DAGLB: variants seen among roughly 807,000 people sequenced by gnomAD.
The protein encoded by DAGLB is diacylglycerol lipase-beta.
In DAGLB, 66 loss-of-function variants were observed where a neutral mutation model predicts 72.1. The ratio of observed to expected loss-of-function variants is 0.92; its 90% CI spans 0.75 to 1.12. The LOEUF is 1.12. Among genes scored for constraint, DAGLB ranks in the 50% most tolerant of loss-of-function variants. The pLI is 0.00. For missense variants in DAGLB, 1,065 were observed against 884.9 expected (o/e 1.20, Z -2.58); for synonymous variants, 414 against 359.5 (o/e 1.15, Z -1.71).
intron 2 of DAGLB, among the ~76,000 whole-genome samples, chr7:6,441,266 AC>A (rs35974450): frequency 0.39 from 57,959 of 148,680 alleles, 14,306 homozygotes; most frequent in Middle Eastern, 0.62. Context: ...AATTTTTTGT[AC>A]TTTTTAGTAG....
intron 2 of DAGLB, among the ~76,000 whole-genome samples, chr7:6,441,752 T>C (rs1481375604): frequency 1.3e-5 from 2 of 152,176 alleles, no homozygotes; most frequent in Admixed American, 6.5e-5. Context: ...TATAATGTTA[T>C]GTGCAACAAA....
chr7:6,421,934 G>A, intron 8 of DAGLB, 130 bp from the exon 9 acceptor site: 7 of 1,010,034 alleles, frequency 6.9e-6, no homozygotes, highest in African/African-American at 1.6e-5. Flanking sequence ...GTTCGGTCCT[G>A]GGACTGAACC....
intron 13 of DAGLB, 51 bp from the exon 14 acceptor site, chr7:6,410,431 C>T (rs780209881): frequency 1.8e-5 from 28 of 1,544,640 alleles, no homozygotes; most frequent in South Asian, 8.7e-5. Flanking sequence ...CTCTGTCACC[C>T]GAGACCTCCC....
chr7:6,430,393 T>C lies in DAGLB; in HGVS notation c.929+87A>G. On this transcript the variant is annotated intron_variant, in intron 6 of 14. Coordinates refer to ENST00000297056, the MANE Select transcript of DAGLB (RefSeq NM_139179.4). The stretch of plus-strand genomic sequence containing the variant: ...AAGGATTCATGGGAGTTCTTTGCAC[T>C]GTTCTTTCAAATTTTTGAAATATCT... 4 of 1,382,558 alleles carry C rather than the reference T, an allele frequency of 2.9e-6. No individual in the cohort carries two copies. The South Asian group carries it at 6.0e-5, about 21-fold the overall frequency. 85.6% of individuals were successfully genotyped at this position (1,382,558 alleles called of 1,614,324 possible). A position where few individuals can be genotyped will look rare whatever the true frequency, so the allele number is the denominator to read the frequency against.
At position 6,410,381 on chromosome 7, in the gene DAGLB, C is replaced by T; in HGVS notation, c.1570-1G>A. On this transcript the variant is annotated splice_acceptor_variant, in intron 13 of 14. Coordinates refer to ENST00000297056, the MANE Select transcript of DAGLB (RefSeq NM_139179.4). LOFTEE classifies it high-confidence loss of function. Reference sequence around the variant, plus strand: ...ACAAACCGTGCAGCAAGATCTTGTACTGAGGGCGAGACCCAATCAGTAGAA... The same window carrying T: ...ACAAACCGTGCAGCAAGATCTTGTATTGAGGGCGAGACCCAATCAGTAGAA... The T allele has an allele frequency of 6.2e-7, 1 of 1,607,420 alleles. No individual in the cohort carries two copies. Among genetic ancestry groups the T allele is most frequent in the Non-Finnish European group, 8.5e-7 (1 of 1,175,984 alleles).
intron 13 of DAGLB, among the ~76,000 whole-genome samples, chr7:6,411,925 G>A (rs554519954): frequency 1.0e-3 from 155 of 151,964 alleles, no homozygotes; most frequent in African/African-American, 3.0e-3. Flanking sequence ...TCGGCAGACA[G>A]AAATTTCTTC....
chr7:6,425,062 CCT>C (rs1784260073), intron 7 of DAGLB, among the ~76,000 whole-genome samples: 1 of 152,212 alleles, frequency 6.6e-6, no homozygotes, highest in Non-Finnish European at 1.5e-5. Flanking sequence ...GTTTTCTTAG[CCT>C]CTCTCTGACC....
chr7:6,424,926 C>G, intron 7 of DAGLB, 91 bp from the exon 8 acceptor site: 1 of 1,286,998 alleles, frequency 7.8e-7, no homozygotes, highest in Non-Finnish European at 1.1e-6. Flanking sequence ...GCAATGACAG[C>G]CCAAGTCCTG....
intron 8 of DAGLB, among the ~76,000 whole-genome samples, chr7:6,423,266 TCAAA>T (rs758290967): frequency 2.0e-5 from 3 of 151,658 alleles, no homozygotes; most frequent in Non-Finnish European, 4.4e-5. Context: ...AAACAAACAA[TCAAA>T]CAGACTGGGG....
At chr7:6,446,216 C>A (rs990006451) in intron 1 of DAGLB, 112 bp from the exon 2 acceptor site, 1 of 1,123,124 alleles carries the variant, frequency 8.9e-7, no homozygotes, top group East Asian at 2.8e-5. Context: ...CACCTGTAAT[C>A]ACAGCACTTT....
At chr7:6,441,924 G>A (rs1381373068) in intron 2 of DAGLB, among the ~76,000 whole-genome samples, 1 of 152,130 alleles carries the variant, frequency 6.6e-6, no homozygotes, top group Non-Finnish European at 1.5e-5. Context: ...CATCGGGGCT[G>A]CCCTGACCGA....
intron 2 of DAGLB, among the ~76,000 whole-genome samples, chr7:6,439,996 G>T (rs1196428835): frequency 2.0e-5 from 3 of 148,196 alleles, no homozygotes; most frequent in African/African-American, 7.5e-5. Flanking sequence ...AGGATGCAGT[G>T]AGCTAAGATC....
rs371750309 is a variant in DAGLB at position 6,409,871 on chromosome 7, G to A, written c.1985C>T (p.Pro662Leu). 2.5e-6 allele frequency: 4 copies of A among 1,614,036 alleles called. No homozygotes were observed. The highest frequency in any genetic ancestry group is 3.4e-6 in the Non-Finnish European group (4 of 1,180,034). ...VSDRAACVSC[P>L]AQGVSSVDVA ...GTCCACACTGGAGACCCCTTGTGCT[G>A]GACAGGAGACGCAGGCCGCTCTGTC... The change falls in exon 15 of 15, where the codon CCA becomes CTA. Residue 662 changes from proline (P) to leucine (L), a missense_variant. By Grantham distance (98) the Pro-to-Leu change is moderately conservative. Coordinates refer to ENST00000297056, the MANE Select transcript of DAGLB (RefSeq NM_139179.4).
chr7:6,419,816 A>C (rs1027139375), intron 9 of DAGLB, among the ~76,000 whole-genome samples: 2 of 152,174 alleles, frequency 1.3e-5, no homozygotes, highest in Non-Finnish European at 2.9e-5. Flanking sequence ...GTAATGGGCA[A>C]ACTGGAGTCT....
intron 9 of DAGLB, among the ~76,000 whole-genome samples, chr7:6,417,977 T>G (rs537591746): frequency 4.6e-4 from 70 of 152,132 alleles, no homozygotes; most frequent in African/African-American, 1.5e-3. Context: ...TTCAAGCAAT[T>G]CTCCTGCCTC....
In DAGLB at chr7:6,410,170, C is replaced by T. The variant is rs766835420; in HGVS notation, c.1780G>A (p.Gly594Ser). 24 of 1,585,410 alleles carry T rather than the reference C, an allele frequency of 1.5e-5. No homozygotes were observed. The highest frequency in any genetic ancestry group is 5.3e-5 in the Admixed American group (3 of 56,628). Residue 594 changes from glycine (G) to serine (S), a missense_variant, in exon 14 of 15, where the codon GGC (glycine) becomes AGC (serine). Physicochemically the swap from Gly to Ser is moderately conservative, Grantham distance 56. Transcript: ENST00000297056. ...SPKYPPLYPP[G>S]RIIHLQEEGA... ...TCCTCCTGCAGGTGGATGATCCTGC[C>T]GGGAGGGTAGAGAGGGGGGTACTTG...
At chr7:6,443,107 C>T (rs1383721874) in intron 2 of DAGLB, among the ~76,000 whole-genome samples, 3 of 149,630 alleles carry the variant, frequency 2.0e-5, no homozygotes, top group Admixed American at 6.7e-5. Flanking sequence ...GGCGTGAACC[C>T]GGGAGGCGGA....
intron 11 of DAGLB, among the ~76,000 whole-genome samples, chr7:6,415,356 C>T (rs1281248944): frequency 4.0e-5 from 6 of 151,820 alleles, no homozygotes; most frequent in Non-Finnish European, 7.4e-5. Flanking sequence ...ACCAAGTGTG[C>T]GAAGAAAAGC....
At chr7:6,442,122 G>A (rs1474038859) in intron 2 of DAGLB, among the ~76,000 whole-genome samples, 1 of 152,088 alleles carries the variant, frequency 6.6e-6, no homozygotes. Context: ...ACTCTCACTG[G>A]GCCAAACTGG....
Sources: allele counts gnomAD v4.1 joint callset (sites outside exome capture counted in the v4.1 genomes callset), GRCh38; gene constraint gnomAD v4.1.1; transcripts MANE v1.5; gene names NCBI Gene and HGNC (gene_info 2026-07-23, HGNC 2026-07-21).